Variants in INTS1 observed in about 807,000 individuals in gnomAD.
INTS1 encodes integrator complex subunit 1.
In INTS1, 137 loss-of-function variants were observed where a neutral mutation model predicts 241.6. The ratio of observed to expected loss-of-function variants is 0.57; its 90% CI spans 0.49 to 0.65. INTS1 has a LOEUF of 0.65. Among genes scored for constraint, INTS1 ranks in the 30% least tolerant of loss-of-function variants. The pLI, the probability that INTS1 is intolerant of heterozygous loss-of-function variation, is 0.00. For missense variants in INTS1, 3,073 were observed against 3,032.2 expected (o/e 1.01, Z -0.32); for synonymous variants, 1,692 against 1,337.8 (o/e 1.26, Z -5.78).
chr7:1,482,049 G>C (rs972190551), intron 27 of INTS1, among the ~76,000 whole-genome samples: 1 of 152,160 alleles, frequency 6.6e-6, no homozygotes, highest in African/African-American at 2.4e-5. Flanking sequence ...AGACCCCTTG[G>C]CAGTCATGGG....
At chr7:1,499,802 G>A in intron 5 of INTS1, 82 bp downstream of exon 5, 2 of 1,519,374 alleles carry the variant, frequency 1.3e-6, no homozygotes, top group South Asian at 1.3e-5. Flanking sequence ...CCTCTGGAGA[G>A]AACACACTTC....
chr7:1,474,845 G>A lies in INTS1; in HGVS notation c.5503-7C>T. 6.3e-7 allele frequency: 1 copy of A among 1,581,204 alleles called. No homozygotes were observed. The highest frequency in any genetic ancestry group is 8.6e-7 in the Non-Finnish European group (1 of 1,165,774). On this transcript the variant is annotated splice_polypyrimidine_tract_variant and splice_region_variant and intron_variant, in intron 39 of 47. Transcript: ENST00000404767. ...GGTGGATGAGTCCGTCCAGCTGCAG[G>A]GAGGGGCGCTCTGAGGCCGGGGCCG...
chr7:1,474,763 C>T lies in INTS1; in HGVS notation c.5578G>A (p.Ala1860Thr). The stretch of plus-strand genomic sequence containing the variant: ...TTCCGGCAGGCCATGCTGGCATCCG[C>T]CCCTCGGTTCTCCAACGCCCGGGAG... ...SDSRALENRG[A>T]DASMACRKLA... The change falls in exon 40 of 48, where the codon GCG (alanine) becomes ACG (threonine). Residue 1860 changes from alanine to threonine, a missense_variant. By Grantham distance (58) the Ala-to-Thr change is moderately conservative. Transcript: ENST00000404767. The T allele has an allele frequency of 6.4e-7, 1 of 1,571,090 alleles. No individual in the cohort carries two copies. Among genetic ancestry groups the T allele is most frequent in the Non-Finnish European group, 8.6e-7 (1 of 1,160,496 alleles).
Position 1,484,304 on chromosome 7 carries a change from C to G in INTS1, c.3262-134G>C. 5.4e-6 allele frequency: 5 copies of G among 923,122 alleles called. No homozygotes were observed. In the South Asian group the frequency reaches 8.7e-5, roughly 16 times the overall value. The allele number at this position is 923,122 out of a possible 1,614,324, so 57.2% of individuals were successfully genotyped here. The stretch of plus-strand genomic sequence containing the variant: ...CGCGGCACCGCAGACCCTCACTCAG[C>G]CGCAGGCCGCCAGGGAAGACGACCA... On this transcript the variant is annotated intron_variant, in intron 24 of 47. Coordinates refer to ENST00000404767, the MANE Select transcript of INTS1 (RefSeq NM_001080453.3).
Position 1,487,446 on chromosome 7 carries a change from C to G in INTS1, c.2520G>C (p.Gly840=), listed in dbSNP as rs765933412. The part of the protein sequence containing the change: ...LSQLTSLDPQ[G]PPRRPPPHIL... ...TGTGAGGGGGAGGCCTCCGGGGGGG[C>G]CCCCTGAGGGCCACAGGGGACACGG... Residue 840 remains glycine, a synonymous_variant, in exon 20 of 48, where the codon GGG becomes GGC. Transcript: ENST00000404767. 72 of 1,608,474 alleles carry G rather than the reference C, an allele frequency of 4.5e-5. No homozygotes were observed. The highest frequency in any genetic ancestry group is 3.9e-4 in the Admixed American group (23 of 59,728).
chr7:1,499,870 G>T lies in INTS1; in HGVS notation c.684+14C>A. On this transcript the variant is annotated intron_variant, in intron 5 of 47. Transcript: ENST00000404767. ...CGCTCTGCCATCTTCACCGTCCCGG[G>T]AGAGGACGCTCACCTTGACAAAGAT... The T allele has an allele frequency of 6.2e-7, 1 of 1,609,478 alleles. No homozygotes were observed. Among genetic ancestry groups the T allele is most frequent in the Non-Finnish European group, 8.5e-7 (1 of 1,177,258 alleles).
At chr7:1,495,839 C>G (rs1313272141) in intron 12 of INTS1, among the ~76,000 whole-genome samples, 1 of 152,194 alleles carries the variant, frequency 6.6e-6, no homozygotes, top group African/African-American at 2.4e-5. Flanking sequence ...AACACCCGGA[C>G]TGCCCCAAAC....
chr7:1,501,365 C>A (rs1331026940), intron 3 of INTS1: 1 of 152,004 alleles, frequency 6.6e-6, no homozygotes, highest in Non-Finnish European at 1.5e-5. Context: ...GCATTGTGAT[C>A]TACCTTAACT....
chr7:1,495,042 C>A, intron 13 of INTS1, 149 bp from the exon 14 acceptor site: 1 of 907,508 alleles, frequency 1.1e-6, no homozygotes, highest in Non-Finnish European at 1.7e-6. Flanking sequence ...CTCACAGCAC[C>A]ACCAAAGAAC....
chr7:1,486,892 C>T (rs375082365), intron 21 of INTS1, 30 bp downstream of exon 21: 50 of 722,982 alleles, frequency 6.9e-5, no homozygotes, highest in African/African-American at 6.9e-4. Flanking sequence ...GGGTGAGAGG[C>T]GGGGGGGCTG....
At chr7:1,489,015 G>A (rs1393918144) in intron 18 of INTS1, among the ~76,000 whole-genome samples, 2 of 152,002 alleles carry the variant, frequency 1.3e-5, no homozygotes, top group African/African-American at 2.4e-5. Context: ...CTCTTGCCAC[G>A]TCCTCCAGCA....
chr7:1,476,730 C>G, intron 36 of INTS1, 64 bp downstream of exon 36: 1 of 1,612,168 alleles, frequency 6.2e-7, no homozygotes, highest in Middle Eastern at 1.7e-4. Context: ...AGAGCCGGCG[C>G]TGGGAGATTT....
At chr7:1,503,691 G>C (rs1783314754) in intron 2 of INTS1, among the ~76,000 whole-genome samples, 1 of 152,184 alleles carries the variant, frequency 6.6e-6, no homozygotes, top group African/African-American at 2.4e-5. Context: ...GAGATCACCG[G>C]GGTCCCGAAG....
chr7:1,474,770 GT>G lies in INTS1; in HGVS notation c.5570del (p.Asn1857ThrfsTer27). On this transcript the variant is annotated frameshift_variant, in exon 40 of 48. Transcript: ENST00000404767. LOFTEE classifies it high-confidence loss of function. ...ADTSDSRALE[N>X]RGADASMACR... ...AGGCCATGCTGGCATCCGCCCCTCGGTTCTCCAACGCCCGGGAGTCGCTGGT... is the reference window on the plus strand; with the variant it reads ...AGGCCATGCTGGCATCCGCCCCTCGGTCTCCAACGCCCGGGAGTCGCTGGT... 1 of 1,575,414 alleles carries G rather than the reference GT, an allele frequency of 6.3e-7. No individual in the cohort carries two copies. The highest frequency in any genetic ancestry group is 8.6e-7 in the Non-Finnish European group (1 of 1,162,900).
At position 1,474,799 on chromosome 7, in the gene INTS1, C is replaced by A. The variant is rs1378348135; in HGVS notation, c.5542G>T (p.Asp1848Tyr). Residue 1848 changes from aspartate to tyrosine, a missense_variant, in exon 40 of 48, where the codon GAC (aspartate) becomes TAC (tyrosine). Transcript: ENST00000404767. ...TCCAACGCCCGGGAGTCGCTGGTGT[C>A]CGCAAGGAGCGTGATGAAGCGGTGG... ...LIHRFITLLA[D>Y]TSDSRALENR... 1.9e-6 allele frequency: 3 copies of A among 1,589,626 alleles called. No individual in the cohort carries two copies. The South Asian group carries it at 3.4e-5, about 18-fold the overall frequency.
At position 1,492,982 on chromosome 7, in the gene INTS1, G is replaced by A. The variant is rs771824702; in HGVS notation, c.2165+28C>T. On this transcript the variant is annotated intron_variant, in intron 16 of 47. Coordinates refer to ENST00000404767, the MANE Select transcript of INTS1 (RefSeq NM_001080453.3). ...GAGCGGGGCGCGGGCTTACCCGGGC[G>A]GGAGTGGGGAGCGGGGCGTGGGCTT... The A allele has an allele frequency of 4.4e-5, 69 of 1,567,496 alleles. 1 individual carries two copies. The highest frequency in any genetic ancestry group is 5.6e-5 in the South Asian group (5 of 89,648).
chr7:1,501,608 A>G (rs1165762862), intron 3 of INTS1, among the ~76,000 whole-genome samples: 1 of 152,182 alleles, frequency 6.6e-6, no homozygotes, highest in East Asian at 1.9e-4. Flanking sequence ...AGGTAGTGCT[A>G]AAGATAAATA....
rs1379389749 is a variant in INTS1 at position 1,497,290 on chromosome 7, G to A, written c.1450C>T (p.Leu484=). Residue 484 remains leucine, a synonymous_variant, in exon 11 of 48, where the codon CTG becomes TTG. Coordinates refer to ENST00000404767, the MANE Select transcript of INTS1 (RefSeq NM_001080453.3). The surrounding 1 kb of genome is among the most constrained non-coding windows in gnomAD (Gnocchi z 5.3). ...AGGTAGTCGTCCTTGTTGGTCAGCA[G>A]GTCCTGGAACACCATGGCCAGGAAC... ...PKFLAMVFQD[L]LTNKDDYLRA... The A allele has an allele frequency of 5.6e-6, 9 of 1,613,062 alleles. No individual in the cohort carries two copies. In the Admixed American group the frequency reaches 6.7e-5, roughly 12 times the overall value.
At chr7:1,475,846 G>T in intron 39 of INTS1, 102 bp downstream of exon 39, 1 of 1,393,406 alleles carries the variant, frequency 7.2e-7, no homozygotes, top group Non-Finnish European at 9.6e-7. Flanking sequence ...GGGCAAGAGG[G>T]GTAGCCGGCG....
Sources: allele counts gnomAD v4.1 joint callset (sites outside exome capture counted in the v4.1 genomes callset), GRCh38; gene constraint gnomAD v4.1.1; non-coding constraint Gnocchi (gnomAD v3.1); transcripts MANE v1.5; gene names NCBI Gene and HGNC (gene_info 2026-07-23, HGNC 2026-07-21).